HOXA3: variants seen among roughly 807,000 people sequenced by gnomAD.
The protein encoded by HOXA3 is homeobox protein Hox-A3.
A neutral mutation model predicts 30.3 loss-of-function variants in HOXA3; 8 were observed. The ratio of observed to expected loss-of-function variants is 0.26; its 90% CI spans 0.15 to 0.48. The LOEUF is 0.48. Ranked by LOEUF, HOXA3 falls within the 20% of genes least tolerant of loss-of-function variation. HOXA3 has a pLI of 0.99. For missense variants in HOXA3, 653 were observed against 614.4 expected (o/e 1.06, Z -0.66); for synonymous variants, 323 against 273.1 (o/e 1.18, Z -1.80).
chr7:27,152,299 G>T lies in HOXA3; in HGVS notation c.-505C>A. On this transcript the variant is annotated 5_prime_UTR_variant, in exon 1 of 6. Coordinates refer to ENST00000612286, the MANE Select transcript of HOXA3 (RefSeq NM_153631.3). Reference sequence around the variant, plus strand: ...CCCACATGTCTCACCTTCAGACGGTGGCTCCCAGAAGCTCCTGCCCCTCTG... The same window carrying T: ...CCCACATGTCTCACCTTCAGACGGTTGCTCCCAGAAGCTCCTGCCCCTCTG... 1 of 1,278,430 alleles carries T rather than the reference G, an allele frequency of 7.8e-7. No individual in the cohort carries two copies. Among genetic ancestry groups the T allele is most frequent in the South Asian group, 1.3e-5 (1 of 79,782 alleles). The allele number at this position is 1,278,430 out of a possible 1,614,324, so 79.2% of individuals were successfully genotyped here. A position where few individuals can be genotyped will look rare whatever the true frequency, so the allele number is the denominator to read the frequency against.
At position 27,114,777 on chromosome 7, in the gene HOXA3, G is replaced by A. The variant is rs547470262; in HGVS notation, c.-120-4017C>T. 9.8e-3 allele frequency among the ~76,000 whole-genome samples: 168 copies of A among 17,060 alleles called. 3 individuals carry two copies. The highest frequency in any genetic ancestry group is 0.021 in the African/African-American group (160 of 7,550). 11.2% of individuals were successfully genotyped at this position (17,060 alleles called of 152,430 possible). On this transcript the variant is annotated intron_variant, in intron 4 of 5. Coordinates refer to ENST00000612286, the MANE Select transcript of HOXA3 (RefSeq NM_153631.3). Reference sequence around the variant, plus strand: ...CACACACACACACACACGCAGGGCAGAGGAATATGTGGTTTCTCAAACGGA... The same window carrying A: ...CACACACACACACACACGCAGGGCAAAGGAATATGTGGTTTCTCAAACGGA...
intron 3 of HOXA3, among the ~76,000 whole-genome samples, chr7:27,125,515 G>C (rs1785244383): frequency 6.6e-6 from 1 of 152,246 alleles, no homozygotes; most frequent in African/African-American, 2.4e-5. Context: ...CAAGGGAACA[G>C]AACACACGTC....
chr7:27,126,686 A>G (rs560119790), intron 3 of HOXA3, among the ~76,000 whole-genome samples, 200 bp downstream of exon 3: 1 of 152,336 alleles, frequency 6.6e-6, no homozygotes, highest in African/African-American at 2.4e-5. Context: ...AATAATCAAT[A>G]CAGTTGGGAC....
rs1783006992 is a variant in HOXA3, at chr7:27,152,407, G to A, written c.-613C>T. On this transcript the variant is annotated 5_prime_UTR_variant, in exon 1 of 6. Coordinates refer to ENST00000612286, the MANE Select transcript of HOXA3 (RefSeq NM_153631.3). ...ACGCAGGAAATTAGCCAGGTTGCGA[G>A]TTGCAAAGCTGCTGCCGCGGCGCCG... is the stretch of plus-strand genomic sequence containing the variant. The A allele has an allele frequency of 8.6e-7, 1 of 1,162,496 alleles. No individual in the cohort carries two copies. Among genetic ancestry groups the A allele is most frequent in the Non-Finnish European group, 1.1e-6 (1 of 926,168 alleles). The allele number at this position is 1,162,496 out of a possible 1,614,324, so 72.0% of individuals were successfully genotyped here.
chr7:27,121,252 T>TGTGTGC (rs1562717999), intron 4 of HOXA3: 1 of 152,160 alleles, frequency 6.6e-6, no homozygotes, highest in East Asian at 1.9e-4. Flanking sequence ...TGTGTGTGTG[T>TGTGTGC]GTGTGTGTGT....
In HOXA3 at chr7:27,139,395, G is replaced by A. The variant is rs148778044; in HGVS notation, c.-390+688C>T. On this transcript the variant is annotated intron_variant, in intron 2 of 5. Coordinates refer to ENST00000612286, the MANE Select transcript of HOXA3 (RefSeq NM_153631.3). ...GGTCCAGTGGGCGCTAGCAGCCCAG[G>A]ATCCACCTTGCAACCCGGGGGCCCA... Among the ~76,000 whole-genome samples, 4 of 152,300 alleles carry A rather than the reference G, an allele frequency of 2.6e-5. No homozygotes were observed. In the East Asian group the frequency reaches 7.8e-4, roughly 30 times the overall value.
chr7:27,151,342 C>T (rs553231434), intron 1 of HOXA3: 5 of 333,110 alleles, frequency 1.5e-5, no homozygotes, highest in African/African-American at 8.7e-5. Flanking sequence ...TCTGCGCTTC[C>T]TCCCGGGCAG....
At chr7:27,124,541 C>T (rs1332386956) in intron 3 of HOXA3, 1 of 152,206 alleles carries the variant, frequency 6.6e-6, no homozygotes, top group Admixed American at 6.5e-5. Context: ...AGGGCTCTCT[C>T]CTGCCTTCCT....
At chr7:27,145,790 G>A in intron 1 of HOXA3, 2 of 1,614,268 alleles carry the variant, frequency 1.2e-6, no homozygotes, top group Non-Finnish European at 1.7e-6. Context: ...GGCAGAGCGC[G>A]TTGGCGATCT....
rs148350002 is a variant in HOXA3 at position 27,110,238 on chromosome 7, G to A, written c.403C>T (p.Pro135Ser). 3.8e-4 allele frequency: 614 copies of A among 1,614,076 alleles called. 3 individuals carry two copies. Among genetic ancestry groups the A allele is most frequent in the Admixed American group, 1.3e-3 (77 of 60,012 alleles). Residue 135 changes from proline (P) to serine (S), a missense_variant, in exon 5 of 6, where the codon CCT becomes TCT. Around this residue, in one of 3 missense-constraint regions of HOXA3, gnomAD observed 320 missense variants for 321.9 expected, o/e 0.99. Transcript: ENST00000612286. ...ASPPQNASNN[P>S]TPANAAKSPL... ...CTCTTGGCCGCGTTGGCAGGGGTAGGGTTGTTGCTGGCATTCTGAGGAGGG... is the reference window on the plus strand; with the variant it reads ...CTCTTGGCCGCGTTGGCAGGGGTAGAGTTGTTGCTGGCATTCTGAGGAGGG...
At chr7:27,116,700 A>G (rs944986344) in intron 4 of HOXA3, 1 of 152,328 alleles carries the variant, frequency 6.6e-6, no homozygotes, top group Non-Finnish European at 1.5e-5. Flanking sequence ...TAGCAAAACT[A>G]TATTATTTAT....
intron 1 of HOXA3, chr7:27,145,441 T>G: frequency 4.8e-6 from 3 of 629,036 alleles, no homozygotes; most frequent in Non-Finnish European, 5.3e-6. Context: ...ATTGGCTGTG[T>G]GTGAGGTTTT....
chr7:27,133,864 G>T (rs972689744), intron 2 of HOXA3, among the ~76,000 whole-genome samples: 2 of 152,098 alleles, frequency 1.3e-5, no homozygotes, highest in African/African-American at 4.8e-5. Context: ...CACAAGGCGC[G>T]CCCTTCACTA....
chr7:27,118,263 G>C (rs1784833672), intron 4 of HOXA3, among the ~76,000 whole-genome samples: 1 of 152,244 alleles, frequency 6.6e-6, no homozygotes, highest in Non-Finnish European at 1.5e-5. Context: ...TCCGGAGAAG[G>C]GGAAGGAGAA....
intron 2 of HOXA3, among the ~76,000 whole-genome samples, chr7:27,133,711 T>A (rs910390844): frequency 6.6e-6 from 1 of 152,244 alleles, no homozygotes; most frequent in Non-Finnish European, 1.5e-5. Context: ...TTGGTTTGAA[T>A]CTGATTTGAA....
intron 2 of HOXA3, among the ~76,000 whole-genome samples, chr7:27,138,447 CA>C (rs1785779572): frequency 6.6e-6 from 1 of 152,110 alleles, no homozygotes; most frequent in Non-Finnish European, 1.5e-5. Flanking sequence ...GTATCTTTAC[CA>C]ATTAATACTT....
chr7:27,113,860 C>G lies in HOXA3; in HGVS notation c.-120-3100G>C, dbSNP rs1429274087. On this transcript the variant is annotated intron_variant, in intron 4 of 5. Coordinates refer to ENST00000612286, the MANE Select transcript of HOXA3 (RefSeq NM_153631.3). The surrounding 1 kb of genome is among the most constrained non-coding windows in gnomAD (Gnocchi z 4.8). ...GGCCGACTGGGGCGGCTTGGACCCC[C>G]CTCCCACCCACCCCACCCACCCACC... is the stretch of plus-strand genomic sequence containing the variant. 1.3e-5 allele frequency: 2 copies of G among 151,186 alleles called. No homozygotes were observed. Among genetic ancestry groups the G allele is most frequent in the East Asian group, 2.0e-4 (1 of 5,116 alleles). The allele number at this position is 151,186 out of a possible 1,614,324, so 9.4% of individuals were successfully genotyped here. A position where few individuals can be genotyped will look rare whatever the true frequency, so the allele number is the denominator to read the frequency against.
intron 5 of HOXA3, 63 bp downstream of exon 5, chr7:27,110,052 G>C: frequency 6.3e-7 from 1 of 1,588,682 alleles, no homozygotes; most frequent in Non-Finnish European, 8.6e-7. Context: ...TGGATGTCGT[G>C]GGCAGTAGCT....
At chr7:27,138,094 C>G (rs1427336017) in intron 2 of HOXA3, among the ~76,000 whole-genome samples, 1 of 152,202 alleles carries the variant, frequency 6.6e-6, no homozygotes, top group Non-Finnish European at 1.5e-5. Context: ...AGTATTCTCA[C>G]AGACACATAA....
Sources: gnomAD v4.1 joint callset for allele counts (sites outside exome capture counted in the v4.1 genomes callset) on GRCh38, gnomAD v4.1.1 for gene constraint, gnomAD v4.1.1 regional missense constraint, Gnocchi (gnomAD v3.1) non-coding constraint, MANE v1.5 for transcripts, NCBI Gene and HGNC (gene_info 2026-07-23, HGNC 2026-07-21) for gene names.